CNTNAP4: variants seen among roughly 807,000 people sequenced by gnomAD.
The protein encoded by CNTNAP4 is contactin-associated protein-like 4.
CNTNAP4 carries 98 observed loss-of-function variants against 148.4 expected under a neutral mutation model. The ratio of observed to expected loss-of-function variants is 0.66; its 90% CI spans 0.56 to 0.78. The LOEUF (loss-of-function observed/expected upper bound fraction) is 0.78, where lower values mean the gene tolerates loss of function less well. Ranked by LOEUF, CNTNAP4 falls within the 30% of genes least tolerant of loss-of-function variation. The pLI, the probability that CNTNAP4 is intolerant of heterozygous loss-of-function variation, is 0.00. For synonymous variants in CNTNAP4, 730 were observed against 565.1 expected, an observed-to-expected ratio of 1.29 and a Z score of -4.14; for missense variants, 1,935 against 1,565.6, an observed-to-expected ratio of 1.24 and a Z score of -3.98.
rs1491501506 is a variant in CNTNAP4, at chr16:76,482,431, AAT to A, written c.1882+2894_1882+2895del. Among the ~76,000 whole-genome samples the A allele has an allele frequency of 2.9e-3, 377 of 129,622 alleles. 4 individuals are homozygous for A. The highest frequency in any genetic ancestry group is 9.3e-3 in the African/African-American group (326 of 35,134). 85.0% of individuals were successfully genotyped at this position (129,622 alleles called of 152,430 possible). A position where few individuals can be genotyped will look rare whatever the true frequency, so the allele number is the denominator to read the frequency against. On this transcript the variant is annotated intron_variant, in intron 12 of 23. Coordinates refer to ENST00000611870, the MANE Select transcript of CNTNAP4 (RefSeq NM_033401.5). The stretch of plus-strand genomic sequence containing the variant: ...AAAGATCATAAGCTCTGTTTTACAC[AAT>A]TTTTTTTTTTTTTTAGTTTGAGATG...
At chr16:76,401,358 G>A (rs903241316) in intron 3 of CNTNAP4, among the ~76,000 whole-genome samples, 1 of 152,088 alleles carries the variant, frequency 6.6e-6, no homozygotes, top group Non-Finnish European at 1.5e-5. Context: ...GCTGTTATTG[G>A]TGTATAGGAA....
At chr16:76,472,280 C>A (rs531911286) in intron 10 of CNTNAP4, among the ~76,000 whole-genome samples, 2 of 152,008 alleles carry the variant, frequency 1.3e-5, no homozygotes, top group African/African-American at 4.8e-5. Context: ...AATATAATGA[C>A]TTTAAATAAA....
intron 3 of CNTNAP4, among the ~76,000 whole-genome samples, chr16:76,409,724 A>G (rs2078724947): frequency 6.6e-6 from 1 of 151,980 alleles, no homozygotes; most frequent in Non-Finnish European, 1.5e-5. Flanking sequence ...ATTTGGCTTT[A>G]TTTCCCAAAT....
intron 3 of CNTNAP4, among the ~76,000 whole-genome samples, chr16:76,417,020 G>T (rs2079010951): frequency 6.6e-6 from 1 of 151,216 alleles, no homozygotes; most frequent in Non-Finnish European, 1.5e-5. Flanking sequence ...AATTAATGTA[G>T]CTCCTTCGGC....
chr16:76,327,613 T>A (rs1963122126), intron 2 of CNTNAP4, among the ~76,000 whole-genome samples: 1 of 152,210 alleles, frequency 6.6e-6, no homozygotes, highest in African/African-American at 2.4e-5. Flanking sequence ...TAGGGTCTCA[T>A]CTAGGGCTGT....
At chr16:76,355,579 C>T (rs1377508455) in intron 3 of CNTNAP4, 68 bp downstream of exon 3, 1 of 1,168,448 alleles carries the variant, frequency 8.6e-7, no homozygotes, top group Non-Finnish European at 1.1e-6. Context: ...TCTTGTTTAC[C>T]AATCTCTTAA....
At chr16:76,462,131 A>G (rs989426404) in intron 9 of CNTNAP4, 26 bp downstream of exon 9, 1 of 1,596,046 alleles carries the variant, frequency 6.3e-7, no homozygotes, top group South Asian at 1.1e-5. Flanking sequence ...AGGCTCTATG[A>G]GCAACTGAAC....
intron 17 of CNTNAP4, among the ~76,000 whole-genome samples, chr16:76,534,347 G>A (rs1037221801): frequency 6.6e-6 from 1 of 152,152 alleles, no homozygotes; most frequent in Non-Finnish European, 1.5e-5. Flanking sequence ...TGGAAGAAAC[G>A]AAGTGAACAT....
Position 76,538,217 on chromosome 16 carries a change from G to A in CNTNAP4, c.3097G>A (p.Gly1033Ser), listed in dbSNP as rs1200751731. The change falls in exon 19 of 24, where the codon GGT becomes AGT. Residue 1033 changes from glycine to serine, a missense_variant. Transcript: ENST00000611870. The stretch of plus-strand genomic sequence containing the variant: ...CAGCTCCCACGCTGCTTCATTTCAT[G>A]GTGATATGAAGCTGAGCAGAGAAAT... The part of the protein sequence containing the change: ...NSSSHAASFH[G>S]DMKLSREMIK... 2 of 1,607,632 alleles carry A rather than the reference G, an allele frequency of 1.2e-6. No homozygotes were observed. Among genetic ancestry groups the A allele is most frequent in the Admixed American group, 1.7e-5 (1 of 58,610 alleles).
At chr16:76,385,094 C>T (rs8052036) in intron 3 of CNTNAP4, among the ~76,000 whole-genome samples, 2 of 152,156 alleles carry the variant, frequency 1.3e-5, no homozygotes, top group African/African-American at 4.8e-5. Context: ...GTTTACATGA[C>T]AGGAGCATAA....
intron 3 of CNTNAP4, among the ~76,000 whole-genome samples, chr16:76,396,616 G>A (rs188168161): frequency 4.8e-4 from 73 of 152,280 alleles, no homozygotes; most frequent in African/African-American, 1.6e-3. Context: ...TGGTGCTGGT[G>A]TCCTGTGAAA....
intron 3 of CNTNAP4, among the ~76,000 whole-genome samples, chr16:76,376,299 A>G (rs2015406893): frequency 6.6e-6 from 1 of 152,172 alleles, no homozygotes; most frequent in South Asian, 2.1e-4. Context: ...CGGAAAGGAA[A>G]TTTGATGTGG....
At chr16:76,293,904 A>T (rs1959180949) in intron 1 of CNTNAP4, among the ~76,000 whole-genome samples, 1 of 151,752 alleles carries the variant, frequency 6.6e-6, no homozygotes, top group African/African-American at 2.4e-5. Context: ...TGAACCGAGA[A>T]TTGTATTTAG....
intron 12 of CNTNAP4, among the ~76,000 whole-genome samples, chr16:76,483,019 C>T (rs562727059): frequency 1.1e-4 from 17 of 150,644 alleles, no homozygotes; most frequent in African/African-American, 3.4e-4. Context: ...GATATGAATT[C>T]CAGTGCCAAA....
At chr16:76,318,771 TCATA>T (rs1962091635) in intron 2 of CNTNAP4, among the ~76,000 whole-genome samples, 1 of 138,734 alleles carries the variant, frequency 7.2e-6, no homozygotes, top group African/African-American at 2.9e-5. Flanking sequence ...ATAATAATAA[TCATA>T]ATCATAATAA....
chr16:76,288,986 A>G (rs1359474349), intron 1 of CNTNAP4, among the ~76,000 whole-genome samples: 1 of 152,178 alleles, frequency 6.6e-6, no homozygotes, highest in Non-Finnish European at 1.5e-5. Flanking sequence ...CTAGTCTGTC[A>G]TAATCCATTA....
chr16:76,385,579 G>T (rs1449074775), intron 3 of CNTNAP4, among the ~76,000 whole-genome samples: 2 of 142,850 alleles, frequency 1.4e-5, no homozygotes, highest in Non-Finnish European at 3.0e-5. Context: ...TGTGTGTGTA[G>T]AGAGAGTGAG....
rs568025645 is a variant in CNTNAP4, at chr16:76,313,293, A to G, written c.86-3120A>G. On this transcript the variant is annotated intron_variant, in intron 1 of 23. Transcript: ENST00000611870. ...TCTGAATCTACATAATTGATTTTGT[A>G]TTGCAATTAAACACCCTTTTCACCA... 1.4e-4 allele frequency among the ~76,000 whole-genome samples: 22 copies of G among 152,296 alleles called. 1 individual carries two copies. Among genetic ancestry groups the G allele is most frequent in the Non-Finnish European group, 2.9e-4 (20 of 67,996 alleles).
chr16:76,536,476 G>A (rs537997366), intron 18 of CNTNAP4, among the ~76,000 whole-genome samples: 19 of 152,172 alleles, frequency 1.2e-4, no homozygotes, highest in Admixed American at 2.0e-4. Flanking sequence ...GATTACAGAC[G>A]TGAGTCCCCA....
Sources: allele counts gnomAD v4.1 joint callset (sites outside exome capture counted in the v4.1 genomes callset), GRCh38; gene constraint gnomAD v4.1.1; transcripts MANE v1.5; gene names NCBI Gene and HGNC (gene_info 2026-07-23, HGNC 2026-07-21).